Variants in NOX3 observed in about 807,000 individuals in gnomAD.
NOX3 encodes NADPH oxidase catalytic subunit-like 3.
In NOX3, 74 loss-of-function variants were observed where a neutral mutation model predicts 76.7. The ratio of observed to expected loss-of-function variants is 0.96; its 90% CI spans 0.80 to 1.17. NOX3 has a LOEUF of 1.17. Ranked by LOEUF, NOX3 falls within the 50% of genes most tolerant of loss-of-function variation. The pLI, the probability that NOX3 is intolerant of heterozygous loss-of-function variation, is 0.00. For synonymous variants in NOX3, 263 were observed against 261.1 expected (o/e 1.01, Z -0.07); for missense variants, 695 against 703.3 (o/e 0.99, Z 0.13).
At chr6:155,407,827 C>T (rs1410342870) in intron 11 of NOX3, among the ~76,000 whole-genome samples, 1 of 152,212 alleles carries the variant, frequency 6.6e-6, no homozygotes, top group East Asian at 1.9e-4. Context: ...TGGCCAGAGC[C>T]TGGCAGGCGG....
intron 5 of NOX3, among the ~76,000 whole-genome samples, chr6:155,441,748 A>G (rs999620528): frequency 5.9e-5 from 9 of 152,202 alleles, no homozygotes; most frequent in Non-Finnish European, 1.2e-4. Context: ...TTTAATAAAT[A>G]CTATTTATTA....
At chr6:155,400,434 A>G (rs1156379818) in intron 12 of NOX3, among the ~76,000 whole-genome samples, 2 of 152,256 alleles carry the variant, frequency 1.3e-5, no homozygotes, top group Non-Finnish European at 2.9e-5. Flanking sequence ...AATAAAATCG[A>G]TAAACAGAAG....
At chr6:155,440,931 C>T (rs78386490) in intron 5 of NOX3, among the ~76,000 whole-genome samples, 4,455 of 152,182 alleles carry the variant, frequency 0.029, 227 homozygotes, top group African/African-American at 0.1. Flanking sequence ...CTTGCTCTTG[C>T]TTTTTAATTG....
intron 10 of NOX3, among the ~76,000 whole-genome samples, chr6:155,414,301 C>T (rs1265677277): frequency 6.6e-6 from 1 of 152,146 alleles, no homozygotes; most frequent in Non-Finnish European, 1.5e-5. Flanking sequence ...CTGCATTTCG[C>T]CCATGAGAAA....
At chr6:155,444,585 G>A (rs750245199) in intron 4 of NOX3, among the ~76,000 whole-genome samples, 50 of 152,100 alleles carry the variant, frequency 3.3e-4, no homozygotes, top group Admixed American at 1.9e-3. Context: ...TAAGATCTAC[G>A]GTAAGAACAA....
At chr6:155,436,983 A>T (rs1776912935) in intron 6 of NOX3, among the ~76,000 whole-genome samples, 1 of 152,308 alleles carries the variant, frequency 6.6e-6, no homozygotes, top group African/African-American at 2.4e-5. Flanking sequence ...GAATGCTCAG[A>T]AGTCTTCAAG....
At chr6:155,397,667 C>T (rs1277807971) in intron 12 of NOX3, among the ~76,000 whole-genome samples, 3 of 152,148 alleles carry the variant, frequency 2.0e-5, no homozygotes, top group African/African-American at 7.2e-5. Flanking sequence ...TTATCAAAAG[C>T]AAGATGAGAT....
intron 4 of NOX3, among the ~76,000 whole-genome samples, chr6:155,448,480 G>A (rs570591588): frequency 2.0e-5 from 3 of 152,066 alleles, no homozygotes; most frequent in African/African-American, 7.2e-5. Flanking sequence ...CCACTCAATT[G>A]TGCCAGGCTA....
In NOX3 at chr6:155,411,724, C is replaced by A. The variant is rs183581525; in HGVS notation, c.1309-364G>T. 2.6e-4 allele frequency among the ~76,000 whole-genome samples: 39 copies of A among 152,268 alleles called. No individual in the cohort carries two copies. The East Asian group carries it at 6.2e-3, about 24-fold the overall frequency. On this transcript the variant is annotated intron_variant, in intron 10 of 13. Transcript: ENST00000159060. ...AAGGGGGATAAACCGTTAGACCAAC[C>A]CCTTCATCTTTACTTATGACCTAAG...
chr6:155,423,316 C>T (rs1323609265), intron 9 of NOX3, among the ~76,000 whole-genome samples: 2 of 152,172 alleles, frequency 1.3e-5, no homozygotes, highest in East Asian at 1.9e-4. Context: ...TACATTTGGT[C>T]ACACATCTTA....
intron 12 of NOX3, among the ~76,000 whole-genome samples, chr6:155,397,186 A>C (rs965751860): frequency 2.6e-5 from 4 of 152,132 alleles, no homozygotes; most frequent in Non-Finnish European, 5.9e-5. Flanking sequence ...GGTGGAGCCA[A>C]GAAGACTGAG....
chr6:155,449,832 G>C (rs1777111992), intron 4 of NOX3, among the ~76,000 whole-genome samples: 1 of 152,158 alleles, frequency 6.6e-6, no homozygotes, highest in Non-Finnish European at 1.5e-5. Context: ...CAGCATAATG[G>C]GCGATGCTAA....
At chr6:155,449,015 G>A (rs1777100889) in intron 4 of NOX3, among the ~76,000 whole-genome samples, 2 of 152,152 alleles carry the variant, frequency 1.3e-5, no homozygotes, top group African/African-American at 4.8e-5. Context: ...ATCCTGTCAG[G>A]CAGGGCTGGG....
chr6:155,425,290 C>T (rs1350385998), intron 9 of NOX3, among the ~76,000 whole-genome samples: 1 of 152,152 alleles, frequency 6.6e-6, no homozygotes, highest in Non-Finnish European at 1.5e-5. Flanking sequence ...TCCATTTCTC[C>T]AGATTTTTAA....
In NOX3 at chr6:155,399,224, G is replaced by C. The variant is rs1779179142; in HGVS notation, c.1581-2262C>G. ...GTGATATTTTTCCATTAGTGTAGAT[G>C]TCACCAAAGAGATTGCCCACTGGCC... On this transcript the variant is annotated intron_variant, in intron 12 of 13. Transcript: ENST00000159060. 2.0e-5 allele frequency among the ~76,000 whole-genome samples: 3 copies of C among 148,192 alleles called. No individual in the cohort carries two copies. The South Asian group carries it at 6.4e-4, about 32-fold the overall frequency.
intron 8 of NOX3, among the ~76,000 whole-genome samples, chr6:155,430,505 T>C (rs920495485): frequency 2.0e-5 from 3 of 151,974 alleles, no homozygotes; most frequent in African/African-American, 7.3e-5. Context: ...GGTGAAGAAG[T>C]GATTATCCTT....
At chr6:155,412,944 G>T (rs1236576057) in intron 10 of NOX3, among the ~76,000 whole-genome samples, 1 of 152,252 alleles carries the variant, frequency 6.6e-6, no homozygotes, top group Non-Finnish European at 1.5e-5. Context: ...ATGGTGAGAA[G>T]TGCATGCAGA....
chr6:155,400,297 T>A (rs1779205827), intron 12 of NOX3, among the ~76,000 whole-genome samples: 1 of 152,232 alleles, frequency 6.6e-6, no homozygotes, highest in Non-Finnish European at 1.5e-5. Context: ...AGCCCTTCTC[T>A]CCTTAAATTG....
chr6:155,439,061 C>T (rs2235670), intron 6 of NOX3, among the ~76,000 whole-genome samples: 24,406 of 152,012 alleles, frequency 0.16, 2,327 homozygotes, highest in East Asian at 0.32. Flanking sequence ...CATCATGGGA[C>T]CTTGAGGGCA....
Sources: gnomAD v4.1 joint callset for allele counts (sites outside exome capture counted in the v4.1 genomes callset) on GRCh38, gnomAD v4.1.1 for gene constraint, MANE v1.5 for transcripts, NCBI Gene and HGNC (gene_info 2026-07-23, HGNC 2026-07-21) for gene names.